Variants in COL14A1 observed in about 807,000 individuals in gnomAD.
COL14A1 encodes collagen type XIV alpha 1 chain, also known as collagen alpha-1(XIV) chain.
Under a neutral mutation model 230.3 loss-of-function variants are expected in COL14A1, and 136 were observed. That is an observed-to-expected ratio of 0.59 (90% CI 0.51 to 0.68). The LOEUF (loss-of-function observed/expected upper bound fraction) is 0.68. Ranked by LOEUF, COL14A1 falls within the 30% of genes least tolerant of loss-of-function variation. COL14A1 has a pLI of 0.00. For missense variants in COL14A1, 1,976 were observed against 2,215.8 expected (o/e 0.89, Z 2.17); for synonymous variants, 792 against 784.1 (o/e 1.01, Z -0.17).
At chr8:120,239,805 C>A (rs1413583943) in intron 19 of COL14A1, among the ~76,000 whole-genome samples, 1 of 148,080 alleles carries the variant, frequency 6.8e-6, no homozygotes, top group African/African-American at 2.5e-5. Flanking sequence ...AGGTGAGAGG[C>A]TTTGTTTTGT....
chr8:120,249,927 T>G (rs1305503483), intron 21 of COL14A1, among the ~76,000 whole-genome samples: 1 of 152,176 alleles, frequency 6.6e-6, no homozygotes, highest in Middle Eastern at 3.2e-3. Context: ...TGAGAACTTG[T>G]CACTAACTCA....
At chr8:120,156,457 C>A (rs1460228038) in intron 2 of COL14A1, among the ~76,000 whole-genome samples, 1 of 152,028 alleles carries the variant, frequency 6.6e-6, no homozygotes, top group Non-Finnish European at 1.5e-5. Context: ...GCATGAGCCA[C>A]CCTGCCTGGC....
intron 44 of COL14A1, among the ~76,000 whole-genome samples, chr8:120,344,905 G>C (rs762158605): frequency 6.6e-6 from 1 of 152,084 alleles, no homozygotes; most frequent in African/African-American, 2.4e-5. Flanking sequence ...CCAAGTAAAG[G>C]TTCCTAAAAA....
chr8:120,172,661 A>G (rs146153297), intron 5 of COL14A1, among the ~76,000 whole-genome samples: 2 of 152,324 alleles, frequency 1.3e-5, no homozygotes, highest in African/African-American at 4.8e-5. Flanking sequence ...GGGCTTGGTT[A>G]CAAATTCACA....
intron 5 of COL14A1, among the ~76,000 whole-genome samples, chr8:120,193,995 C>T (rs368231660): frequency 1.8e-4 from 27 of 152,316 alleles, no homozygotes; most frequent in African/African-American, 3.8e-4. Context: ...TGACCCCTTG[C>T]GCTTCCCGGG....
intron 5 of COL14A1, among the ~76,000 whole-genome samples, chr8:120,187,525 A>G (rs971441271): frequency 1.2e-4 from 18 of 152,200 alleles, no homozygotes; most frequent in African/African-American, 4.3e-4. Context: ...AATAAACACT[A>G]AATAGATTTT....
intron 36 of COL14A1, among the ~76,000 whole-genome samples, chr8:120,309,688 T>C (rs912358397): frequency 2.0e-5 from 3 of 152,248 alleles, no homozygotes; most frequent in Non-Finnish European, 2.9e-5. Flanking sequence ...TTATAACATA[T>C]ATAATTTTGA....
Position 120,212,483 on chromosome 8 carries a change from G to C in COL14A1, c.1503G>C (p.Leu501Phe), listed in dbSNP as rs1563675223. ...KIGETHTDIELSGLLPNTEYT... is the reference protein window; with the variant it reads ...KIGETHTDIEFSGLLPNTEYT... Reference sequence around the variant, plus strand: ...GAGAGACCCACACAGATATTGAATTGAGTGGGTTGTTGCCCAATACAGAAT... The same window carrying C: ...GAGAGACCCACACAGATATTGAATTCAGTGGGTTGTTGCCCAATACAGAAT... Residue 501 changes from leucine (L) to phenylalanine (F), a missense_variant, in exon 13 of 48, where the codon TTG (leucine) becomes TTC (phenylalanine). This residue lies in a region of COL14A1 where 1,791 missense variants were observed against 2,019.5 expected (regional missense o/e 0.89). Transcript: ENST00000297848. The C allele has an allele frequency of 1.1e-5, 17 of 1,613,526 alleles. No homozygotes were observed. Among genetic ancestry groups the C allele is most frequent in the Non-Finnish European group, 1.4e-5 (17 of 1,179,628 alleles).
intron 35 of COL14A1, among the ~76,000 whole-genome samples, chr8:120,300,529 A>G (rs886811183): frequency 2.0e-5 from 3 of 152,108 alleles, no homozygotes; most frequent in African/African-American, 7.2e-5. Context: ...CCCATTGATA[A>G]TAGTGATTAT....
intron 18 of COL14A1, among the ~76,000 whole-genome samples, chr8:120,229,134 A>G (rs1485038834): frequency 1.5e-5 from 2 of 131,160 alleles, no homozygotes; most frequent in Non-Finnish European, 3.1e-5. Context: ...ATTATACTTT[A>G]AGTTTTAGGG....
intron 5 of COL14A1, among the ~76,000 whole-genome samples, chr8:120,179,922 C>A (rs1816408140): frequency 1.3e-5 from 2 of 152,116 alleles, no homozygotes; most frequent in African/African-American, 4.8e-5. Context: ...TGAACTTTGA[C>A]AAACCTGACA....
intron 2 of COL14A1, among the ~76,000 whole-genome samples, chr8:120,154,082 C>T (rs1586721628): frequency 6.6e-6 from 1 of 152,154 alleles, no homozygotes; most frequent in Admixed American, 6.5e-5. Flanking sequence ...GGGAAGAACA[C>T]AAGATGTCCA....
chr8:120,252,106 A>G (rs1470786245), intron 22 of COL14A1, among the ~76,000 whole-genome samples: 5 of 152,210 alleles, frequency 3.3e-5, no homozygotes, highest in African/African-American at 1.2e-4. Context: ...ACAATGTGTA[A>G]TGATCACCAC....
chr8:120,326,904 TA>T (rs1821690171), intron 40 of COL14A1, among the ~76,000 whole-genome samples: 1 of 152,098 alleles, frequency 6.6e-6, no homozygotes, highest in Non-Finnish European at 1.5e-5. Context: ...TGCATGTCTG[TA>T]ATCCCAGCTA....
intron 1 of COL14A1, among the ~76,000 whole-genome samples, chr8:120,127,620 C>T (rs547153636): frequency 6.6e-6 from 1 of 152,350 alleles, no homozygotes; most frequent in South Asian, 2.1e-4. Context: ...TTGAGGGGCT[C>T]TAGGGAAAGC....
intron 45 of COL14A1, 123 bp downstream of exon 45, chr8:120,345,686 T>C: frequency 2.3e-6 from 2 of 857,520 alleles, no homozygotes; most frequent in South Asian, 6.9e-5. Context: ...TTCTGCCCCA[T>C]CTATTCTTCA....
chr8:120,298,597 T>TTATATATATATATATATATA (rs59846403), intron 35 of COL14A1, among the ~76,000 whole-genome samples: 3 of 57,986 alleles, frequency 5.2e-5, no homozygotes, highest in Non-Finnish European at 9.2e-5. Context: ...CCCATATATT[T>TTATATATATATATATATATA]TATATATATA....
intron 1 of COL14A1, among the ~76,000 whole-genome samples, chr8:120,126,066 G>T (rs1317151325): frequency 1.3e-5 from 2 of 152,206 alleles, no homozygotes; most frequent in Non-Finnish European, 2.9e-5. Flanking sequence ...TGTAATATTG[G>T]AGAATCCTCT....
At chr8:120,325,726 C>T (rs1192277609) in intron 40 of COL14A1, among the ~76,000 whole-genome samples, 1 of 152,148 alleles carries the variant, frequency 6.6e-6, no homozygotes, top group Non-Finnish European at 1.5e-5. Flanking sequence ...CCCCCGACCT[C>T]CAGTGATCCA....
Sources: allele counts gnomAD v4.1 joint callset (sites outside exome capture counted in the v4.1 genomes callset), GRCh38; gene constraint gnomAD v4.1.1; regional missense constraint gnomAD v4.1.1; transcripts MANE v1.5; gene names NCBI Gene and HGNC (gene_info 2026-07-23, HGNC 2026-07-21).